The following SPMIP2 variants were observed in gnomAD, a reference collection of about 807,000 sequenced individuals.
The protein encoded by SPMIP2 is protein SPMIP2.
chr4:158,897,043 G>C, the SPMIP2 span, among the ~76,000 whole-genome samples: 1 of 149,408 alleles, frequency 6.7e-6, no homozygotes, highest in African/African-American at 2.5e-5. Context: ...TCCCCTTCCT[G>C]TGTGTGTTGT....
At chr4:158,981,333 T>C in the SPMIP2 span, among the ~76,000 whole-genome samples, 1 of 152,030 alleles carries the variant, frequency 6.6e-6, no homozygotes, top group South Asian at 2.1e-4. Flanking sequence ...AGGCCAACAT[T>C]CAAATTCAGG....
chr4:158,932,032 G>A, the SPMIP2 span, among the ~76,000 whole-genome samples: 1 of 151,798 alleles, frequency 6.6e-6, no homozygotes, highest in Non-Finnish European at 1.5e-5. Flanking sequence ...GCTCACACCT[G>A]TAATTCCAGC....
chr4:159,014,027 T>C, the SPMIP2 span, among the ~76,000 whole-genome samples: 2 of 152,178 alleles, frequency 1.3e-5, no homozygotes, highest in Non-Finnish European at 2.9e-5. Context: ...GAAGAGGTGA[T>C]AGTTGCAAGC....
At chr4:159,032,781 C>T in the SPMIP2 span, among the ~76,000 whole-genome samples, 6 of 140,502 alleles carry the variant, frequency 4.3e-5, no homozygotes, top group Non-Finnish European at 4.6e-5. Context: ...AATGACCTTT[C>T]TTTTTTTTTT....
the SPMIP2 span, among the ~76,000 whole-genome samples, chr4:158,916,545 G>A: frequency 6.6e-6 from 1 of 152,198 alleles, no homozygotes; most frequent in African/African-American, 2.4e-5. Flanking sequence ...TAAAGTCTGA[G>A]CTCCTCAGCA....
chr4:159,026,158 G>C, the SPMIP2 span: 1 of 378,902 alleles, frequency 2.6e-6, no homozygotes, highest in Non-Finnish European at 5.3e-6. Flanking sequence ...ATGATGCCTA[G>C]TGGACAGCAA....
the SPMIP2 span, among the ~76,000 whole-genome samples, chr4:158,987,350 C>T: frequency 1.3e-5 from 2 of 152,204 alleles, no homozygotes; most frequent in South Asian, 2.1e-4. Context: ...TATTGTGGCA[C>T]TATTCACAAT....
chr4:159,036,066 A>C, the SPMIP2 span, among the ~76,000 whole-genome samples: 1 of 152,260 alleles, frequency 6.6e-6, no homozygotes, highest in East Asian at 1.9e-4. Flanking sequence ...ATGAACAGTA[A>C]TTCTAGCTTG....
At chr4:158,994,354 CA>C in the SPMIP2 span, among the ~76,000 whole-genome samples, 3 of 152,102 alleles carry the variant, frequency 2.0e-5, no homozygotes, top group African/African-American at 7.2e-5. Context: ...TTTAAATTTC[CA>C]ACTAGCAACT....
At chr4:159,016,960 G>T in the SPMIP2 span, among the ~76,000 whole-genome samples, 1 of 152,212 alleles carries the variant, frequency 6.6e-6, no homozygotes, top group Non-Finnish European at 1.5e-5. Context: ...GGGGAGCGAT[G>T]AGACGGGAGG....
At chr4:158,904,374 T>TAGAAATAATACTTTCTCATAAAA in the SPMIP2 span, 17 of 1,159,754 alleles carry the variant, frequency 1.5e-5, no homozygotes, top group East Asian at 1.7e-4. Flanking sequence ...ACTTAGTACC[T>TAGAAATAATACTTTCTCATAAAA]AGAAATAATA....
chr4:158,904,371 A>G, the SPMIP2 span: 3 of 1,089,614 alleles, frequency 2.8e-6, no homozygotes, highest in East Asian at 4.9e-5. Context: ...CAAACTTAGT[A>G]CCTAGAAATA....
the SPMIP2 span, among the ~76,000 whole-genome samples, chr4:158,971,928 C>T: frequency 6.6e-6 from 1 of 152,108 alleles, no homozygotes; most frequent in Non-Finnish European, 1.5e-5. Context: ...CTGAATACTG[C>T]CATGTAGAAG....
the SPMIP2 span, among the ~76,000 whole-genome samples, chr4:159,062,203 T>C: frequency 6.6e-6 from 1 of 152,182 alleles, no homozygotes; most frequent in Non-Finnish European, 1.5e-5. Flanking sequence ...AGAGACTATT[T>C]TCATTATTTT....
At chr4:158,910,559 C>A in the SPMIP2 span, among the ~76,000 whole-genome samples, 1 of 151,918 alleles carries the variant, frequency 6.6e-6, no homozygotes, top group Non-Finnish European at 1.5e-5. Flanking sequence ...AGGCATGAGC[C>A]ACCACTCCCA....
At chr4:158,983,878 G>T in the SPMIP2 span, among the ~76,000 whole-genome samples, 3 of 102,312 alleles carry the variant, frequency 2.9e-5, no homozygotes, top group Non-Finnish European at 3.8e-5. Flanking sequence ...AGACCCATCA[G>T]TGTGCTGTAT....
chr4:159,070,558 A>C, the SPMIP2 span, among the ~76,000 whole-genome samples: 1,511 of 152,280 alleles, frequency 9.9e-3, 10 homozygotes, highest in South Asian at 0.013. Context: ...GTAAAGATAC[A>C]CATATGGTTT....
At chr4:158,964,157 C>G in the SPMIP2 span, among the ~76,000 whole-genome samples, 1 of 101,668 alleles carries the variant, frequency 9.8e-6, no homozygotes. Flanking sequence ...TATCTCAAAA[C>G]AAAACAAAAC....
chr4:159,073,154 CT>C, the SPMIP2 span, among the ~76,000 whole-genome samples: 14 of 151,934 alleles, frequency 9.2e-5, no homozygotes, highest in East Asian at 2.7e-3. Flanking sequence ...TTTTCTTTTT[CT>C]TTTTGTTTTT....
Sources: allele counts gnomAD v4.1 joint callset (sites outside exome capture counted in the v4.1 genomes callset), GRCh38; gene constraint gnomAD v4.1.1; transcripts MANE v1.5; gene names NCBI Gene and HGNC (gene_info 2026-07-23, HGNC 2026-07-21).